Variants in TERT observed in about 807,000 individuals in gnomAD.
The protein encoded by TERT is telomerase reverse transcriptase.
Under a neutral mutation model 104.0 loss-of-function variants are expected in TERT, and 42 were observed. That is an observed-to-expected ratio of 0.40 (90% confidence interval 0.32 to 0.52). The LOEUF is 0.52. Ranked by LOEUF, TERT falls within the 20% of genes least tolerant of loss-of-function variation. The pLI is 0.43. For synonymous variants in TERT, 781 were observed against 725.6 expected, an observed-to-expected ratio of 1.08 and a Z score of -1.23; for missense variants, 1,101 against 1,610.3, an observed-to-expected ratio of 0.68 and a Z score of 5.41.
intron 1 of TERT, 50 bp downstream of exon 1, chr5:1,294,721 C>A: frequency 6.4e-7 from 1 of 1,570,980 alleles, no homozygotes; most frequent in South Asian, 1.2e-5. Context: ...TCGCTGGTTC[C>A]CCCCGGCCGC....
rs747745615 is a variant in TERT, at chr5:1,274,902, C to T, written c.2287-2622G>A. ...CCTAAAGGAAATGGAAGGAGGCCAT[C>T]GATAAACAGCAGACACCAATTACGC... On this transcript the variant is annotated intron_variant, in intron 6 of 15. Transcript: ENST00000310581. The surrounding 1 kb of genome is among the most constrained non-coding windows in gnomAD (Gnocchi z 5.3). 2.2e-4 allele frequency among the ~76,000 whole-genome samples: 34 copies of T among 152,162 alleles called. No homozygotes were observed. The highest frequency in any genetic ancestry group is 6.5e-5 in the Admixed American group (1 of 15,274).
At chr5:1,266,376 C>G in intron 10 of TERT, 88 bp downstream of exon 10, 1 of 1,166,034 alleles carries the variant, frequency 8.6e-7, no homozygotes, top group South Asian at 1.3e-5. Context: ...AGAGACAACG[C>G]TGCGGTGCCA....
chr5:1,266,176 C>A (rs1477786440), intron 10 of TERT, among the ~76,000 whole-genome samples: 1 of 152,198 alleles, frequency 6.6e-6, no homozygotes, highest in East Asian at 1.9e-4. Flanking sequence ...TCTTGACTTT[C>A]CAAAGAGCAG....
chr5:1,277,610 G>GT (rs1324828678), intron 6 of TERT, among the ~76,000 whole-genome samples: 1 of 149,814 alleles, frequency 6.7e-6, no homozygotes, highest in African/African-American at 2.4e-5. Flanking sequence ...GGATGTGGGG[G>GT]GGGGTCTCCT....
intron 2 of TERT, among the ~76,000 whole-genome samples, chr5:1,284,882 C>T (rs534746741): frequency 1.4e-5 from 2 of 146,440 alleles, no homozygotes; most frequent in East Asian, 4.2e-4. Flanking sequence ...CGTCTGGCGA[C>T]CTCACTCCAG....
intron 2 of TERT, 61 bp from the exon 3 acceptor site, chr5:1,282,685 C>T (rs1750115758): frequency 6.4e-7 from 1 of 1,559,990 alleles, no homozygotes; most frequent in Non-Finnish European, 8.8e-7. Context: ...TCACCCCGGA[C>T]CTGCACCATC....
At position 1,272,626 on chromosome 5, in the gene TERT, C is replaced by T. The variant is rs1339891200; in HGVS notation, c.2287-346G>A. ...CAGTCACCACATCAGACCCCACGAC[C>T]GCCATCCACAGTCACCACACATCAG... On this transcript the variant is annotated intron_variant, in intron 6 of 15. Coordinates refer to ENST00000310581, the MANE Select transcript of TERT (RefSeq NM_198253.3). 2.3e-4 allele frequency among the ~76,000 whole-genome samples: 10 copies of T among 44,020 alleles called. No homozygotes were observed. The South Asian group carries it at 4.1e-3, about 18-fold the overall frequency. The allele number at this position is 44,020 out of a possible 152,430, so 28.9% of individuals were successfully genotyped here.
chr5:1,280,396 C>G, intron 3 of TERT, 58 bp from the exon 4 acceptor site: 1 of 1,572,416 alleles, frequency 6.4e-7, no homozygotes. Context: ...TAGGGGGAAG[C>G]TCACGGGAAG....
At chr5:1,282,074 T>G (rs966292492) in intron 3 of TERT, among the ~76,000 whole-genome samples, 3 of 149,656 alleles carry the variant, frequency 2.0e-5, no homozygotes, top group African/African-American at 7.5e-5. Flanking sequence ...GGCAACAGAG[T>G]GAGACTCCAT....
chr5:1,277,555 T>C (rs1311458676), intron 6 of TERT, among the ~76,000 whole-genome samples: 3 of 144,630 alleles, frequency 2.1e-5, no homozygotes, highest in Non-Finnish European at 4.5e-5. Flanking sequence ...GAGGTCGAGG[T>C]CGGAACGAGG....
At chr5:1,264,104 G>C (rs966315481) in intron 11 of TERT, 68 of 452,288 alleles carry the variant, frequency 1.5e-4, no homozygotes, top group African/African-American at 1.2e-3. Context: ...AGCAGGGCCC[G>C]GGCGTCTTGG....
rs2126693071 is a variant in TERT, at chr5:1,294,975, G to A, written c.15C>T (p.Pro5=). MPRA[P]RCRAVRSLLR... ...GCAGGGAGCGCACGGCTCGGCAGCG[G>A]GGAGCGCGCGGCATCGCGGGGGTGG... Residue 5 remains proline (P), a synonymous_variant, in exon 1 of 16, where the codon CCC becomes CCT. Transcript: ENST00000310581. The A allele has an allele frequency of 1.5e-6, 2 of 1,327,410 alleles. No individual in the cohort carries two copies. The highest frequency in any genetic ancestry group is 3.9e-5 in the Admixed American group (1 of 25,328). The allele number at this position is 1,327,410 out of a possible 1,614,324, so 82.2% of individuals were successfully genotyped here.
intron 2 of TERT, 179 bp from the exon 3 acceptor site, chr5:1,282,803 G>GACCTGC: frequency 1.5e-6 from 1 of 673,272 alleles, no homozygotes; most frequent in Non-Finnish European, 2.6e-6. Flanking sequence ...CCTCACCCTG[G>GACCTGC]ACCTGCACCA....
At chr5:1,293,173 C>T (rs1270234143) in intron 2 of TERT, 140 bp downstream of exon 2, 9 of 945,242 alleles carry the variant, frequency 9.5e-6, no homozygotes, top group Non-Finnish European at 1.3e-5. Flanking sequence ...ACCGTGTCCA[C>T]TCGACGTCCT....
In TERT at chr5:1,268,790, C is replaced by G. The variant is rs1161411335; in HGVS notation, c.2469-157G>C. Among the ~76,000 whole-genome samples the G allele has an allele frequency of 8.5e-5, 13 of 152,326 alleles. No homozygotes were observed. The highest frequency in any genetic ancestry group is 2.9e-4 in the African/African-American group (12 of 41,574). ...CTCAGAAACATACCAGATGAGACCT[C>G]TGAACAAACAATCCCTGCTCCCCAC... On this transcript the variant is annotated intron_variant, in intron 8 of 15. Coordinates refer to ENST00000310581, the MANE Select transcript of TERT (RefSeq NM_198253.3). The surrounding 1 kb of genome is among the most constrained non-coding windows in gnomAD (Gnocchi z 5.5).
intron 11 of TERT, chr5:1,264,159 G>A (rs564270647): frequency 3.5e-6 from 2 of 566,206 alleles, no homozygotes; most frequent in South Asian, 2.0e-5. Context: ...GTGCACCCAG[G>A]TCTGGTGCAC....
At chr5:1,280,021 C>T (rs528478621) in intron 4 of TERT, 137 bp downstream of exon 4, 2 of 1,200,564 alleles carry the variant, frequency 1.7e-6, no homozygotes, top group East Asian at 2.3e-5. Flanking sequence ...ACTGTGCGCA[C>T]AAATGGGTTG....
rs934268624 is a variant in TERT at position 1,261,264 on chromosome 5, C to T, written c.2844-664G>A. On this transcript the variant is annotated intron_variant, in intron 11 of 15. Transcript: ENST00000310581. The surrounding 1 kb of genome is among the most constrained non-coding windows in gnomAD (Gnocchi z 7.4). ...TTGAACACTGCTACATTGAAATAAA[C>T]GTTTTGTGCCATTAAACATTCTTCA... Among the ~76,000 whole-genome samples the T allele has an allele frequency of 5.5e-4, 84 of 152,178 alleles. No individual in the cohort carries two copies. Among genetic ancestry groups the T allele is most frequent in the African/African-American group, 1.7e-3 (72 of 41,440 alleles).
At chr5:1,291,104 CCTCA>C (rs1467114817) in intron 2 of TERT, among the ~76,000 whole-genome samples, 1 of 139,054 alleles carries the variant, frequency 7.2e-6, no homozygotes. Context: ...GGGGACCGCG[CCTCA>C]CTCACCCTGC....
Sources: gnomAD v4.1 joint callset for allele counts (sites outside exome capture counted in the v4.1 genomes callset) on GRCh38, gnomAD v4.1.1 for gene constraint, Gnocchi (gnomAD v3.1) non-coding constraint, MANE v1.5 for transcripts, NCBI Gene and HGNC (gene_info 2026-07-23, HGNC 2026-07-21) for gene names.